Variants in C1orf159 observed in about 807,000 individuals in gnomAD.
The protein encoded by C1orf159 is uncharacterized protein C1orf159.
A neutral mutation model predicts 25.6 loss-of-function variants in C1orf159; 19 were observed. That is an observed-to-expected ratio of 0.74 (90% CI 0.52 to 1.09). The LOEUF is 1.09. Among genes scored for constraint, C1orf159 ranks in the 50% least tolerant of loss-of-function variants. The pLI is 0.00. For synonymous variants in C1orf159, 139 were observed against 124.7 expected (o/e 1.12, Z -0.77); for missense variants, 274 against 290.6 (o/e 0.94, Z 0.42).
Position 1,082,985 on chromosome 1 carries a change from G to A in C1orf159, c.505C>T (p.Arg169Trp), listed in dbSNP as rs763525638. 3.3e-5 allele frequency: 53 copies of A among 1,594,090 alleles called. No homozygotes were observed. Among genetic ancestry groups the A allele is most frequent in the East Asian group, 9.1e-5 (4 of 44,090 alleles). The change falls in exon 10 of 10, where the codon CGG becomes TGG. Residue 169 changes from arginine (R) to tryptophan (W), a missense_variant and splice_region_variant. Arg to Trp is a moderately radical substitution (Grantham distance 101). Transcript: ENST00000421241. ...AMIPPPQSSV[R>W]KPRYVRRERP... ...TCCCGCCTGACGTAGCGCGGCTTCC[G>A]TACTGAAACGGGTCAGAGACAGGCG...
intron 1 of C1orf159, among the ~76,000 whole-genome samples, chr1:1,094,020 A>G (rs764843479): frequency 2.5e-4 from 38 of 151,226 alleles, no homozygotes; most frequent in Middle Eastern, 3.4e-3. Flanking sequence ...CCACTTATAT[A>G]TCTTCTTTCT....
intron 1 of C1orf159, among the ~76,000 whole-genome samples, chr1:1,101,247 G>A (rs1386443477): frequency 6.6e-6 from 1 of 152,158 alleles, no homozygotes; most frequent in Non-Finnish European, 1.5e-5. Flanking sequence ...ACTTTGGGAG[G>A]CCAAGTGGGT....
intron 1 of C1orf159, among the ~76,000 whole-genome samples, chr1:1,099,928 T>G (rs1570324288): frequency 6.8e-6 from 1 of 146,818 alleles, no homozygotes; most frequent in East Asian, 2.0e-4. Context: ...TTGCAGTCAC[T>G]TTCTGCCTAC....
intron 1 of C1orf159, among the ~76,000 whole-genome samples, chr1:1,093,037 CAA>C (rs1339912282): frequency 7.0e-6 from 1 of 142,424 alleles, no homozygotes. Context: ...AACTCCGTCT[CAA>C]AAAAAAAAAG....
intron 1 of C1orf159, among the ~76,000 whole-genome samples, chr1:1,098,768 C>T (rs1646046414): frequency 2.0e-5 from 3 of 152,164 alleles, no homozygotes; most frequent in Non-Finnish European, 4.4e-5. Flanking sequence ...CCCGCCACCA[C>T]GTCCAGCGAA....
intron 1 of C1orf159, among the ~76,000 whole-genome samples, chr1:1,104,143 A>G (rs1433189456): frequency 6.6e-6 from 1 of 151,808 alleles, no homozygotes; most frequent in Admixed American, 6.6e-5. Flanking sequence ...ACCTGCCACC[A>G]CACCTGGCTA....
chr1:1,084,756 G>A (rs1343746015), intron 7 of C1orf159, among the ~76,000 whole-genome samples: 1 of 152,110 alleles, frequency 6.6e-6, no homozygotes, highest in Non-Finnish European at 1.5e-5. Context: ...TAGCACCCCA[G>A]GTGAGTCCCC....
chr1:1,099,626 T>C (rs77291387), intron 1 of C1orf159, among the ~76,000 whole-genome samples: 6,347 of 95,270 alleles, frequency 0.067, no homozygotes, highest in African/African-American at 0.19. Context: ...TTCTAAGAAT[T>C]GGAGAGAGAG....
rs1645888163 is a variant in C1orf159, at chr1:1,089,338, A to G, written c.148+1015T>C. ...TCACAGGAGACGCCACGGCCCCAGC[A>G]CTCTTGCTGCCATGGGGTGCCAGGG... On this transcript the variant is annotated intron_variant, in intron 4 of 9. Coordinates refer to ENST00000421241, the MANE Select transcript of C1orf159 (RefSeq NM_017891.5). This position sits in a 1 kb window ranked among gnomAD's most constrained non-coding sequence, Gnocchi z 7.5. Among the ~76,000 whole-genome samples, 1 of 151,994 alleles carries G rather than the reference A, an allele frequency of 6.6e-6. No individual in the cohort carries two copies. The highest frequency in any genetic ancestry group is 1.5e-5 in the Non-Finnish European group (1 of 67,978).
intron 3 of C1orf159, 82 bp downstream of exon 3, chr1:1,091,390 T>A: frequency 7.7e-7 from 1 of 1,290,348 alleles, no homozygotes; most frequent in Non-Finnish European, 1.1e-6. Context: ...GGTGGAAGGG[T>A]TAGACCCTCT....
At chr1:1,084,830 C>T (rs1229011361) in intron 7 of C1orf159, among the ~76,000 whole-genome samples, 1 of 152,146 alleles carries the variant, frequency 6.6e-6, no homozygotes, top group African/African-American at 2.4e-5. Context: ...GAAGCGTCTC[C>T]CCAGGCTCCA....
At chr1:1,107,980 A>G (rs1443656588) in intron 1 of C1orf159, among the ~76,000 whole-genome samples, 1 of 152,202 alleles carries the variant, frequency 6.6e-6, no homozygotes, top group Non-Finnish European at 1.5e-5. Context: ...TGTAACACTC[A>G]CTGCGAGGGT....
chr1:1,090,532 C>G (rs377138852), intron 3 of C1orf159, 104 bp from the exon 4 acceptor site: 2 of 1,204,070 alleles, frequency 1.7e-6, no homozygotes, highest in Admixed American at 2.0e-5. Context: ...TCTCAATGTC[C>G]GCAGCTCCGG....
intron 3 of C1orf159, chr1:1,090,914 T>C: frequency 6.4e-7 from 1 of 1,550,394 alleles, no homozygotes; most frequent in Non-Finnish European, 8.7e-7. Context: ...ACAGGCAGAC[T>C]GGACAGGCCT....
At chr1:1,112,387 G>A (rs995907455) in intron 1 of C1orf159, among the ~76,000 whole-genome samples, 15 of 151,768 alleles carry the variant, frequency 9.9e-5, no homozygotes, top group African/African-American at 2.4e-4. Flanking sequence ...AACACACGGC[G>A]CACGGTCCCT....
In C1orf159 at chr1:1,085,995, C is replaced by T. The variant is rs776653076; in HGVS notation, c.328G>A (p.Ala110Thr). Residue 110 changes from alanine to threonine, a missense_variant, in exon 7 of 10, where the codon GCC becomes ACC. Physicochemically the swap from Ala to Thr is moderately conservative, Grantham distance 58. Transcript: ENST00000421241. The stretch of plus-strand genomic sequence containing the variant: ...AAGAACGTGCCCAGGAAGAGGGAGG[C>T]GGCCACGCGCGGAGCCCCTGCAAAC... ...RPHPGAPRVA[A>T]SLFLGTFFIS... 42 of 1,612,810 alleles carry T rather than the reference C, an allele frequency of 2.6e-5. No individual in the cohort carries two copies. The highest frequency in any genetic ancestry group is 3.1e-5 in the Non-Finnish European group (36 of 1,179,790).
At chr1:1,106,212 A>G (rs1646168831) in intron 1 of C1orf159, 1 of 152,208 alleles carries the variant, frequency 6.6e-6, no homozygotes, top group South Asian at 2.1e-4. Context: ...TCCAACCCAA[A>G]CACTCTAACA....
intron 1 of C1orf159, among the ~76,000 whole-genome samples, chr1:1,105,093 G>A (rs1042712897): frequency 4.9e-4 from 74 of 152,366 alleles, no homozygotes; most frequent in African/African-American, 1.7e-3. Flanking sequence ...GTGAGTAGGC[G>A]GCAGGGTTAG....
rs1645749348 is a variant in C1orf159 at position 1,082,006 on chromosome 1, C to CT, written c.*886dup. On this transcript the variant is annotated 3_prime_UTR_variant, in exon 10 of 10. Transcript: ENST00000421241. ...AGACGGTGCCGGTGCCGCAGGGCGTCTGAGACCCACGGTGGAGCCCGGGCC... is the reference window on the plus strand; with the variant it reads ...AGACGGTGCCGGTGCCGCAGGGCGTCTTGAGACCCACGGTGGAGCCCGGGCC... The CT allele has an allele frequency of 6.6e-6, 1 of 152,284 alleles. No individual in the cohort carries two copies. 9.4% of individuals were successfully genotyped at this position (152,284 alleles called of 1,614,324 possible). A position where few individuals can be genotyped will look rare whatever the true frequency, so the allele number is the denominator to read the frequency against.
Sources: gnomAD v4.1 joint callset for allele counts (sites outside exome capture counted in the v4.1 genomes callset) on GRCh38, gnomAD v4.1.1 for gene constraint, Gnocchi (gnomAD v3.1) non-coding constraint, MANE v1.5 for transcripts, NCBI Gene and HGNC (gene_info 2026-07-23, HGNC 2026-07-21) for gene names.